The following PLA2G12B variants were observed in gnomAD, a reference collection of about 807,000 sequenced individuals.
The protein encoded by PLA2G12B is phospholipase A2 group XIIB.
A neutral mutation model predicts 22.3 loss-of-function variants in PLA2G12B; 19 were observed. The observed-to-expected ratio is 0.85, with a 90% confidence interval of 0.60 to 1.25. The LOEUF is 1.25. Ranked by LOEUF, PLA2G12B falls within the 50% of genes most tolerant of loss-of-function variation. The pLI is 0.00. For synonymous variants in PLA2G12B, 81 were observed against 94.9 expected (o/e 0.85, Z 0.85); for missense variants, 191 against 246.6 (o/e 0.77, Z 1.51).
In PLA2G12B at chr10:72,935,653, A is replaced by C; in HGVS notation, c.552T>G (p.Ala184=). The part of the protein sequence containing the change: ...CRPFMNSQRA[A]CICAEEEKEE... Reference sequence around the variant, plus strand: ...CCTTCTCCTCCTCTGCACAGATGCAAGCTGCCCGCTGACTATTCATAAAGG... The same window carrying C: ...CCTTCTCCTCCTCTGCACAGATGCACGCTGCCCGCTGACTATTCATAAAGG... The change falls in exon 4 of 4, where the codon GCT becomes GCG. Residue 184 remains alanine (A), a synonymous_variant. Transcript: ENST00000373032. 6.2e-7 allele frequency: 1 copy of C among 1,614,238 alleles called. No homozygotes were observed. The highest frequency in any genetic ancestry group is 1.1e-5 in the South Asian group (1 of 91,084).
chr10:72,953,481 T>G (rs1294470454), intron 1 of PLA2G12B, among the ~76,000 whole-genome samples: 1 of 152,230 alleles, frequency 6.6e-6, no homozygotes, highest in African/African-American at 2.4e-5. Context: ...CCTGTTAGGC[T>G]AAATTGACTC....
chr10:72,954,469 A>T lies in PLA2G12B; in HGVS notation c.211+6T>A. The T allele has an allele frequency of 6.2e-7, 1 of 1,614,058 alleles. No individual in the cohort carries two copies. The highest frequency in any genetic ancestry group is 8.5e-7 in the Non-Finnish European group (1 of 1,180,008). On this transcript the variant is annotated splice_donor_region_variant and intron_variant, in intron 1 of 3. Coordinates refer to ENST00000373032, the MANE Select transcript of PLA2G12B (RefSeq NM_032562.5). ...GTTTTTACAGAAAGAGAAACCGCAC[A>T]CTCACCATATCGGCACCTGTACTGA...
chr10:72,950,682 G>A (rs1846516419), intron 1 of PLA2G12B, among the ~76,000 whole-genome samples: 1 of 152,088 alleles, frequency 6.6e-6, no homozygotes, highest in Non-Finnish European at 1.5e-5. Flanking sequence ...GTTTCACCAT[G>A]CTGGCCAGGC....
intron 1 of PLA2G12B, among the ~76,000 whole-genome samples, chr10:72,953,116 T>C (rs149502790): frequency 6.6e-6 from 1 of 152,322 alleles, no homozygotes; most frequent in East Asian, 1.9e-4. Context: ...TCCAACTGCC[T>C]TGGACAAATA....
chr10:72,951,938 T>C (rs926259477), intron 1 of PLA2G12B, among the ~76,000 whole-genome samples: 1 of 152,218 alleles, frequency 6.6e-6, no homozygotes, highest in Admixed American at 6.5e-5. Context: ...GCTACCAGGA[T>C]ACATACACAG....
At chr10:72,942,528 A>G in intron 2 of PLA2G12B, 124 bp downstream of exon 2, 1 of 750,714 alleles carries the variant, frequency 1.3e-6, no homozygotes, top group Non-Finnish European at 2.0e-6. Flanking sequence ...CTCATATCCA[A>G]TTTAAAATAC....
At chr10:72,954,237 C>T (rs1300406846) in intron 1 of PLA2G12B, among the ~76,000 whole-genome samples, 5 of 152,116 alleles carry the variant, frequency 3.3e-5, no homozygotes, top group African/African-American at 1.2e-4. Context: ...AGATAAACAA[C>T]GAAGAATTTG....
chr10:72,950,926 G>A (rs185825726), intron 1 of PLA2G12B, among the ~76,000 whole-genome samples: 10 of 152,268 alleles, frequency 6.6e-5, no homozygotes, highest in Middle Eastern at 3.4e-3. Flanking sequence ...CTCTTCAGTC[G>A]TTGTTCCCTC....
At chr10:72,946,842 A>G (rs1846450405) in intron 1 of PLA2G12B, among the ~76,000 whole-genome samples, 1 of 151,552 alleles carries the variant, frequency 6.6e-6, no homozygotes, top group Non-Finnish European at 1.5e-5. Flanking sequence ...AGCCTTGTCA[A>G]TTCTGCAAAT....
chr10:72,949,933 T>G (rs539821007), intron 1 of PLA2G12B, among the ~76,000 whole-genome samples: 2 of 151,718 alleles, frequency 1.3e-5, no homozygotes, highest in Non-Finnish European at 2.9e-5. Flanking sequence ...GCCGAGATAG[T>G]ACCACTGCAC....
chr10:72,940,152 CT>C (rs1846336723), intron 3 of PLA2G12B, among the ~76,000 whole-genome samples: 1 of 152,142 alleles, frequency 6.6e-6, no homozygotes, highest in South Asian at 2.1e-4. Flanking sequence ...GCCCTCACAC[CT>C]TCACCTCCAG....
At chr10:72,954,012 G>C (rs2132984782) in intron 1 of PLA2G12B, among the ~76,000 whole-genome samples, 1 of 152,334 alleles carries the variant, frequency 6.6e-6, no homozygotes, top group South Asian at 2.1e-4. Context: ...GAGCAGCTGA[G>C]GAGGTGGTTT....
chr10:72,938,701 G>A (rs2132962648), intron 3 of PLA2G12B, among the ~76,000 whole-genome samples: 1 of 152,254 alleles, frequency 6.6e-6, no homozygotes, highest in Non-Finnish European at 1.5e-5. Context: ...TAAATGGAAA[G>A]GACATTGATA....
At chr10:72,944,425 G>A (rs980599273) in intron 1 of PLA2G12B, among the ~76,000 whole-genome samples, 11 of 152,094 alleles carry the variant, frequency 7.2e-5, no homozygotes, top group Non-Finnish European at 1.6e-4. Context: ...CTCTCACAAA[G>A]AATTTTGCAA....
chr10:72,939,220 T>A (rs1203643310), intron 3 of PLA2G12B, among the ~76,000 whole-genome samples: 1 of 152,200 alleles, frequency 6.6e-6, no homozygotes, highest in Non-Finnish European at 1.5e-5. Flanking sequence ...GTGAATTGTA[T>A]CATGTGTGAA....
At chr10:72,943,243 G>A (rs1463294646) in intron 1 of PLA2G12B, among the ~76,000 whole-genome samples, 3 of 152,190 alleles carry the variant, frequency 2.0e-5, no homozygotes, top group Non-Finnish European at 4.4e-5. Context: ...TGGGATTACA[G>A]GCGTGAGCCA....
At position 72,950,195 on chromosome 10, in the gene PLA2G12B, C is replaced by G. The variant is rs144546840; in HGVS notation, c.211+4280G>C. 9.4e-3 allele frequency among the ~76,000 whole-genome samples: 1,432 copies of G among 152,250 alleles called. 52 individuals are homozygous for G. Among genetic ancestry groups the G allele is most frequent in the Non-Finnish European group, 5.7e-3 (391 of 68,000 alleles). ...TTGTCCTGGTTTGCCTGGTACCCGT[C>G]CCGGTGTTAGTACTGAAAGTCTCAC... is the stretch of plus-strand genomic sequence containing the variant. On this transcript the variant is annotated intron_variant, in intron 1 of 3. Transcript: ENST00000373032.
At chr10:72,950,581 A>C (rs992308170) in intron 1 of PLA2G12B, among the ~76,000 whole-genome samples, 5 of 152,140 alleles carry the variant, frequency 3.3e-5, no homozygotes, top group Admixed American at 3.3e-4. Flanking sequence ...CCAGGGTTCA[A>C]GTGATTCTCC....
At chr10:72,936,289 C>G (rs960810773) in intron 3 of PLA2G12B, among the ~76,000 whole-genome samples, 1 of 152,208 alleles carries the variant, frequency 6.6e-6, no homozygotes, top group Admixed American at 6.5e-5. Flanking sequence ...GATAGCTACA[C>G]TACCTCATGA....
Sources: gnomAD v4.1 joint callset for allele counts (sites outside exome capture counted in the v4.1 genomes callset) on GRCh38, gnomAD v4.1.1 for gene constraint, MANE v1.5 for transcripts, NCBI Gene and HGNC (gene_info 2026-07-23, HGNC 2026-07-21) for gene names.